KCNJ8: variants seen among roughly 807,000 people sequenced by gnomAD.
KCNJ8 encodes the protein potassium inwardly rectifying channel subfamily J member 8.
In KCNJ8, 13 loss-of-function variants were observed where a neutral mutation model predicts 28.2. The observed-to-expected ratio is 0.46, with a 90% CI of 0.30 to 0.73. The LOEUF is 0.73. Ranked by LOEUF, KCNJ8 falls within the 30% of genes least tolerant of loss-of-function variation. The probability of loss-of-function intolerance (pLI) is 0.07; values close to 1 mark genes in which losing one functional copy is unlikely to be tolerated. For synonymous variants in KCNJ8, 188 were observed against 195.9 expected (o/e 0.96, Z 0.34); for missense variants, 284 against 542.6 (o/e 0.52, Z 4.73).
Position 21,773,806 on chromosome 12 carries a change from A to AT in KCNJ8, c.-70-121dup. ...GGTGACATGCAAAACCAAAAATGTG[A>AT]TTTTTACTAACCCAAACATGAATCT... is the stretch of plus-strand genomic sequence containing the variant. On this transcript the variant is annotated intron_variant, in intron 1 of 2. Transcript: ENST00000240662. The surrounding 1 kb of genome is among the most constrained non-coding windows in gnomAD (Gnocchi z 4.6). 1 of 676,448 alleles carries AT rather than the reference A, an allele frequency of 1.5e-6. No individual in the cohort carries two copies. Among genetic ancestry groups the AT allele is most frequent in the Admixed American group, 2.8e-5 (1 of 35,960 alleles). The allele number at this position is 676,448 out of a possible 1,614,324, so 41.9% of individuals were successfully genotyped here. A position where few individuals can be genotyped will look rare whatever the true frequency, so the allele number is the denominator to read the frequency against.
At position 21,773,768 on chromosome 12, in the gene KCNJ8, T is replaced by C. The variant is rs1940819258; in HGVS notation, c.-70-82A>G. The C allele has an allele frequency of 2.0e-6, 2 of 1,012,160 alleles. No homozygotes were observed. Among genetic ancestry groups the C allele is most frequent in the African/African-American group, 3.2e-5 (2 of 62,062 alleles). 62.7% of individuals were successfully genotyped at this position (1,012,160 alleles called of 1,614,324 possible). A position where few individuals can be genotyped will look rare whatever the true frequency, so the allele number is the denominator to read the frequency against. ...GGGTCCTTGTATTCAAGGATATGTC[T>C]GTACATGTGCGAGGTGACATGCAAA... On this transcript the variant is annotated intron_variant, in intron 1 of 2. Coordinates refer to ENST00000240662, the MANE Select transcript of KCNJ8 (RefSeq NM_004982.4). This position sits in a 1 kb window ranked among gnomAD's most constrained non-coding sequence, Gnocchi z 4.6.
In KCNJ8 at chr12:21,773,794, A is replaced by C; in HGVS notation, c.-70-108T>G. ...GTACATGTGCGAGGTGACATGCAAA[A>C]CCAAAAATGTGATTTTTACTAACCC... On this transcript the variant is annotated intron_variant, in intron 1 of 2. Transcript: ENST00000240662. The surrounding 1 kb of genome is among the most constrained non-coding windows in gnomAD (Gnocchi z 4.6). The C allele has an allele frequency of 1.3e-6, 1 of 766,530 alleles. No individual in the cohort carries two copies. The highest frequency in any genetic ancestry group is 2.1e-6 in the Non-Finnish European group (1 of 477,950). The allele number at this position is 766,530 out of a possible 1,614,324, so 47.5% of individuals were successfully genotyped here.
intron 2 of KCNJ8, among the ~76,000 whole-genome samples, chr12:21,771,594 G>T (rs964459626): frequency 7.9e-5 from 12 of 152,144 alleles, no homozygotes; most frequent in African/African-American, 2.9e-4. Flanking sequence ...TAGTGATATG[G>T]TTGGACATTG....
intron 1 of KCNJ8, among the ~76,000 whole-genome samples, 163 bp downstream of exon 1, chr12:21,774,383 G>A (rs1940838781): frequency 6.6e-6 from 1 of 151,420 alleles, no homozygotes; most frequent in South Asian, 2.1e-4. Flanking sequence ...AAGGTGCGGG[G>A]GGGAAAAAAC....
chr12:21,774,408 T>G (rs958972066), intron 1 of KCNJ8, 138 bp downstream of exon 1: 12 of 150,468 alleles, frequency 8.0e-5, no homozygotes, highest in African/African-American at 2.7e-4. Context: ...GACAACAGCC[T>G]GCGGGTTGCA....
In KCNJ8 at chr12:21,765,435, T is replaced by C. The variant is rs1229219322; in HGVS notation, c.*288A>G. On this transcript the variant is annotated 3_prime_UTR_variant, in exon 3 of 3. Transcript: ENST00000240662. ...TGCTCAAGGCCTGTTACTATTAGTGTAATTCTTGTGTTTCAAATTGAGAGA... is the reference window on the plus strand; with the variant it reads ...TGCTCAAGGCCTGTTACTATTAGTGCAATTCTTGTGTTTCAAATTGAGAGA... 3 of 461,896 alleles carry C rather than the reference T, an allele frequency of 6.5e-6. No homozygotes were observed. Among genetic ancestry groups the C allele is most frequent in the African/African-American group, 5.9e-5 (3 of 50,638 alleles). The allele number at this position is 461,896 out of a possible 1,614,324, so 28.6% of individuals were successfully genotyped here. A position where few individuals can be genotyped will look rare whatever the true frequency, so the allele number is the denominator to read the frequency against.
rs1940608716 is a variant in KCNJ8 at position 21,765,999 on chromosome 12, T to C, written c.999A>G (p.Gly333=). The C allele has an allele frequency of 6.2e-7, 1 of 1,614,084 alleles. No homozygotes were observed. Among genetic ancestry groups the C allele is most frequent in the African/African-American group, 1.3e-5 (1 of 74,936 alleles). The change falls in exon 3 of 3, where the codon GGA becomes GGG. Residue 333 remains glycine (G), a synonymous_variant. Transcript: ENST00000240662. ...RFVSIVTEEE[G]VYSVDYSKFG... is the part of the protein sequence containing the mutation. ...ATTTGGAGTAATCCACAGAATACAC[T>C]CCTTCTTCCTCAGTCACAATGGACA...
rs1555172471 is a variant in KCNJ8 at position 21,773,210 on chromosome 12, T to C, written c.374+33A>G. The C allele has an allele frequency of 3.1e-6, 5 of 1,609,660 alleles. No homozygotes were observed. In the Admixed American group the frequency reaches 8.3e-5, roughly 27 times the overall value. On this transcript the variant is annotated intron_variant, in intron 2 of 2. Transcript: ENST00000240662. The surrounding 1 kb of genome is among the most constrained non-coding windows in gnomAD (Gnocchi z 4.6). ...ATTTTGACATTTTTTCTCTACTGTT[T>C]TCAACCCCTGCCTCATCCCACTACA...
At position 21,765,932 on chromosome 12, in the gene KCNJ8, G is replaced by T. The variant is rs778531267; in HGVS notation, c.1066C>A (p.Arg356=). The change falls in exon 3 of 3, where the codon CGA becomes AGA. Residue 356 remains arginine, a synonymous_variant. Transcript: ENST00000240662. ...VKVAAPRCSA[R]ELDEKPSILI... ...ATGGAAGGTTTCTCATCCAGCTCTC[G>T]GGCACTGCACCGTGGAGCAGCTACT... is the stretch of plus-strand genomic sequence containing the variant. The T allele has an allele frequency of 1.2e-5, 19 of 1,613,970 alleles. No homozygotes were observed. Among genetic ancestry groups the T allele is most frequent in the Non-Finnish European group, 1.5e-5 (18 of 1,179,984 alleles).
At chr12:21,770,912 A>G (rs560062467) in intron 2 of KCNJ8, among the ~76,000 whole-genome samples, 2 of 152,348 alleles carry the variant, frequency 1.3e-5, no homozygotes, top group South Asian at 4.1e-4. Context: ...ATGTTTAAAC[A>G]TTTGAGTACT....
chr12:21,766,777 CTG>C lies in KCNJ8; in HGVS notation c.375-156_375-155del. On this transcript the variant is annotated intron_variant, in intron 2 of 2. Coordinates refer to ENST00000240662, the MANE Select transcript of KCNJ8 (RefSeq NM_004982.4). This position sits in a 1 kb window ranked among gnomAD's most constrained non-coding sequence, Gnocchi z 6.5. ...AACTTGTAAAATGCCTAATTCTAAA[CTG>C]TGTTTAGAACAGTCTCTCTCTCTCT... 1.4e-6 allele frequency: 1 copy of C among 694,982 alleles called. No homozygotes were observed. The highest frequency in any genetic ancestry group is 2.6e-6 in the Non-Finnish European group (1 of 392,054). The allele number at this position is 694,982 out of a possible 1,614,324, so 43.1% of individuals were successfully genotyped here.
In KCNJ8 at chr12:21,773,264, G is replaced by A. The variant is rs770087869; in HGVS notation, c.353C>T (p.Thr118Ile). 1.2e-5 allele frequency: 19 copies of A among 1,613,540 alleles called. No homozygotes were observed. The highest frequency in any genetic ancestry group is 1.7e-5 in the Admixed American group (1 of 60,000). Reference sequence around the variant, plus strand: ...TTACCTGACATTAGTCACACACACAGTGGACTCCAAACCACTTTTCTCCAT... The same window carrying A: ...TTACCTGACATTAGTCACACACACAATGGACTCCAAACCACTTTTCTCCAT... ...SGMEKSGLES[T>I]VCVTNVRSFT... Residue 118 changes from threonine (T) to isoleucine (I), a missense_variant, in exon 2 of 3, where the codon ACT (threonine) becomes ATT (isoleucine). By Grantham distance (89) the Thr-to-Ile change is moderately conservative (BLOSUM62 -1). Transcript: ENST00000240662. The surrounding 1 kb of genome is among the most constrained non-coding windows in gnomAD (Gnocchi z 4.6).
intron 2 of KCNJ8, among the ~76,000 whole-genome samples, chr12:21,769,559 A>G (rs1438640229): frequency 6.6e-6 from 1 of 152,204 alleles, no homozygotes; most frequent in East Asian, 1.9e-4. Flanking sequence ...TTGCTGACAT[A>G]GATAGTGAGT....
In KCNJ8 at chr12:21,765,599, A is replaced by G; in HGVS notation, c.*124T>C. The G allele has an allele frequency of 5.8e-6, 5 of 856,448 alleles. No homozygotes were observed. The highest frequency in any genetic ancestry group is 2.4e-5 in the East Asian group (1 of 40,890). 53.1% of individuals were successfully genotyped at this position (856,448 alleles called of 1,614,324 possible). ...AGAAAGTGCTGTTGCTTGAATATGAATATCATTTAGTGTAATAAAATGTAG... is the reference window on the plus strand; with the variant it reads ...AGAAAGTGCTGTTGCTTGAATATGAGTATCATTTAGTGTAATAAAATGTAG... On this transcript the variant is annotated 3_prime_UTR_variant, in exon 3 of 3. Transcript: ENST00000240662.
chr12:21,768,159 G>A (rs572436619), intron 2 of KCNJ8, among the ~76,000 whole-genome samples: 11 of 152,174 alleles, frequency 7.2e-5, no homozygotes, highest in South Asian at 2.1e-4. Context: ...GCAGTTCACC[G>A]TAGGGTTCAC....
intron 2 of KCNJ8, among the ~76,000 whole-genome samples, chr12:21,767,316 CCCCCCCA>C (rs954629327): frequency 8.1e-6 from 1 of 122,978 alleles, no homozygotes; most frequent in African/African-American, 3.4e-5. Context: ...CAACCCCCCC[CCCCCCCA>C]CCTCCAGGCC....
chr12:21,765,419 C>G lies in KCNJ8; in HGVS notation c.*304G>C, dbSNP rs1940594790. The stretch of plus-strand genomic sequence containing the variant: ...TCTTGACCAAATTTTGTGCTCAAGG[C>G]CTGTTACTATTAGTGTAATTCTTGT... On this transcript the variant is annotated 3_prime_UTR_variant, in exon 3 of 3. Coordinates refer to ENST00000240662, the MANE Select transcript of KCNJ8 (RefSeq NM_004982.4). 2.4e-6 allele frequency: 1 copy of G among 423,684 alleles called. No individual in the cohort carries two copies. The highest frequency in any genetic ancestry group is 2.3e-5 in the South Asian group (1 of 43,054). The allele number at this position is 423,684 out of a possible 1,614,324, so 26.2% of individuals were successfully genotyped here. A position where few individuals can be genotyped will look rare whatever the true frequency, so the allele number is the denominator to read the frequency against.
rs561322545 is a variant in KCNJ8 at position 21,773,006 on chromosome 12, A to G, written c.374+237T>C. Among the ~76,000 whole-genome samples the G allele has an allele frequency of 6.6e-6, 1 of 152,336 alleles. No homozygotes were observed. Among genetic ancestry groups the G allele is most frequent in the East Asian group, 1.9e-4 (1 of 5,184 alleles). On this transcript the variant is annotated intron_variant, in intron 2 of 2. Transcript: ENST00000240662. The surrounding 1 kb of genome is among the most constrained non-coding windows in gnomAD (Gnocchi z 4.6). The stretch of plus-strand genomic sequence containing the variant: ...TTTTGATAACTGGTATAACATTTTC[A>G]AGGCTAGTCCAAAGGACTGAAGCTC...
chr12:21,773,314 G>C lies in KCNJ8; in HGVS notation c.303C>G (p.Ile101Met). 6.2e-7 allele frequency: 1 copy of C among 1,614,120 alleles called. No homozygotes were observed. The highest frequency in any genetic ancestry group is 8.5e-7 in the Non-Finnish European group (1 of 1,180,018). ...WWLVAFAHGD[I>M]YAYMEKSGME... is the part of the protein sequence containing the mutation. ...TTCCACTTTTCTCCATGTAAGCATA[G>C]ATGTCCCCATGGGCAAAGGCCACCA... Residue 101 changes from isoleucine (I) to methionine (M), a missense_variant, in exon 2 of 3, where the codon ATC becomes ATG. Coordinates refer to ENST00000240662, the MANE Select transcript of KCNJ8 (RefSeq NM_004982.4). This position sits in a 1 kb window ranked among gnomAD's most constrained non-coding sequence, Gnocchi z 4.6.
Sources: gnomAD v4.1 joint callset for allele counts (sites outside exome capture counted in the v4.1 genomes callset) on GRCh38, gnomAD v4.1.1 for gene constraint, Gnocchi (gnomAD v3.1) non-coding constraint, MANE v1.5 for transcripts, NCBI Gene and HGNC (gene_info 2026-07-23, HGNC 2026-07-21) for gene names.